PAK2: variants seen among roughly 807,000 people sequenced by gnomAD.
PAK2 encodes serine/threonine-protein kinase PAK 2.
Under a neutral mutation model 65.9 loss-of-function variants are expected in PAK2, and 21 were observed. The observed-to-expected ratio is 0.32, with a 90% CI of 0.23 to 0.46. The LOEUF is 0.46. PAK2 is among the 20% of genes least tolerant of loss of function. The pLI is 1.00. For synonymous variants in PAK2, 204 were observed against 219.7 expected, an observed-to-expected ratio of 0.93 and a Z score of 0.63; for missense variants, 324 against 642.6, an observed-to-expected ratio of 0.50 and a Z score of 5.36.
rs772673684 is a variant in PAK2, at chr3:196,814,505, A to G, written c.990A>G (p.Ser330=). The G allele has an allele frequency of 1.0e-4, 164 of 1,563,720 alleles. 1 individual carries two copies. The East Asian group carries it at 3.7e-3, about 35-fold the overall frequency. ...TCATGGAATACCTTGCTGGGGGGTC[A>G]CTCACTGATGTGGTAACAGAAACGT... ...FVVMEYLAGG[S]LTDVVTETCM... is the part of the protein sequence containing the mutation. The change falls in exon 11 of 15, where the codon TCA becomes TCG. Residue 330 remains serine, a synonymous_variant. Coordinates refer to ENST00000327134, the MANE Select transcript of PAK2 (RefSeq NM_002577.4).
chr3:196,794,475 C>T (rs137948564), intron 2 of PAK2, among the ~76,000 whole-genome samples: 347 of 152,334 alleles, frequency 2.3e-3, no homozygotes, highest in African/African-American at 7.7e-3. Flanking sequence ...TCCCCCTGTC[C>T]GCCTGGCGCC....
chr3:196,816,038 A>G (rs934440473), intron 11 of PAK2, among the ~76,000 whole-genome samples: 2 of 152,122 alleles, frequency 1.3e-5, no homozygotes, highest in Admixed American at 6.6e-5. Context: ...TTCCACCTAT[A>G]TCTGAGCTTT....
At chr3:196,818,845 A>G (rs1457898525) in intron 12 of PAK2, among the ~76,000 whole-genome samples, 1 of 152,172 alleles carries the variant, frequency 6.6e-6, no homozygotes, top group African/African-American at 2.4e-5. Context: ...TAAAATGGGA[A>G]TAATTGTAAT....
rs893895383 is a variant in PAK2, at chr3:196,791,250, A to C, written c.187+8417A>C. Among the ~76,000 whole-genome samples the C allele has an allele frequency of 6.6e-6, 1 of 152,150 alleles. No homozygotes were observed. Among genetic ancestry groups the C allele is most frequent in the Non-Finnish European group, 1.5e-5 (1 of 68,036 alleles). On this transcript the variant is annotated intron_variant, in intron 2 of 14. Transcript: ENST00000327134. This position sits in a 1 kb window ranked among gnomAD's most constrained non-coding sequence, Gnocchi z 4.0. ...CTTTTTGTTTTAGACACTGTTTCTA[A>C]TATCCTTTCCTTTTCCCATTGAGAC...
chr3:196,764,001 T>C (rs1225013262), intron 1 of PAK2, among the ~76,000 whole-genome samples: 1 of 147,344 alleles, frequency 6.8e-6, no homozygotes, highest in Admixed American at 6.8e-5. Flanking sequence ...AGAGATGGGG[T>C]TTCACCGTGT....
intron 2 of PAK2, among the ~76,000 whole-genome samples, chr3:196,799,901 A>G (rs779060912): frequency 3.9e-5 from 6 of 152,322 alleles, no homozygotes; most frequent in African/African-American, 1.2e-4. Flanking sequence ...GGCATGAGCT[A>G]CTGCTCGCAG....
At chr3:196,762,413 C>A (rs1412456107) in intron 1 of PAK2, among the ~76,000 whole-genome samples, 3 of 141,726 alleles carry the variant, frequency 2.1e-5, no homozygotes, top group Admixed American at 2.1e-4. Context: ...CACCATTGAG[C>A]ACTGAGTGAA....
intron 1 of PAK2, among the ~76,000 whole-genome samples, chr3:196,761,378 C>G (rs567371695): frequency 1.2e-5 from 1 of 80,494 alleles, no homozygotes; most frequent in Non-Finnish European, 2.4e-5. Context: ...ATGCTGCCTT[C>G]AAGCATCTGT....
chr3:196,766,162 T>G (rs1020838739), intron 1 of PAK2, among the ~76,000 whole-genome samples: 3 of 152,198 alleles, frequency 2.0e-5, no homozygotes, highest in African/African-American at 7.2e-5. Context: ...CCCAAAGTGC[T>G]GGGATTACAG....
intron 1 of PAK2, among the ~76,000 whole-genome samples, chr3:196,769,545 C>G (rs1448517585): frequency 1.3e-5 from 2 of 151,708 alleles, no homozygotes; most frequent in Non-Finnish European, 2.9e-5. Flanking sequence ...GGCGTGGTGG[C>G]TCACGCCTGT....
At chr3:196,761,907 GC>G (rs1269823015) in intron 1 of PAK2, among the ~76,000 whole-genome samples, 1 of 147,194 alleles carries the variant, frequency 6.8e-6, no homozygotes, top group East Asian at 2.0e-4. Context: ...AGATGGGGTG[GC>G]TGCCGGGCGG....
chr3:196,803,162 C>T lies in PAK2; in HGVS notation c.434C>T (p.Pro145Leu). ...CAGAAATATCTGAGCTTTACTCCTC[C>T]TGGTAAGAGAGTGGCATAAGGCTGG... is the stretch of plus-strand genomic sequence containing the variant. The part of the protein sequence containing the change: ...VKQKYLSFTP[P>L]EKDGFPSGTP... The change falls in exon 4 of 15, where the codon CCT becomes CTT. Residue 145 changes from proline to leucine, a missense_variant and splice_region_variant. Physicochemically the swap from Pro to Leu is moderately conservative, Grantham distance 98 (BLOSUM62 -3). This residue lies in a region of PAK2 where 183 missense variants were observed against 246.2 expected (regional missense o/e 0.74). Transcript: ENST00000327134. 1 of 1,602,868 alleles carries T rather than the reference C, an allele frequency of 6.2e-7. No individual in the cohort carries two copies. The highest frequency in any genetic ancestry group is 8.5e-7 in the Non-Finnish European group (1 of 1,175,834).
At chr3:196,781,346 C>G (rs1714708909) in intron 1 of PAK2, among the ~76,000 whole-genome samples, 1 of 152,168 alleles carries the variant, frequency 6.6e-6, no homozygotes, top group Admixed American at 6.5e-5. Flanking sequence ...GATCCTCTCC[C>G]TTTTACTGCT....
In PAK2 at chr3:196,818,042, T is replaced by G. The variant is rs748978796; in HGVS notation, c.1054-15T>G. On this transcript the variant is annotated splice_polypyrimidine_tract_variant and intron_variant, in intron 11 of 14. Transcript: ENST00000327134. ...CAGGGACTATTTCATTAATAGGTGT[T>G]TTTCTTCTGTTCAGTGTTTACAGGC... 5.4e-6 allele frequency: 6 copies of G among 1,110,908 alleles called. No homozygotes were observed. The highest frequency in any genetic ancestry group is 6.9e-6 in the Non-Finnish European group (5 of 726,526). 68.8% of individuals were successfully genotyped at this position (1,110,908 alleles called of 1,614,324 possible).
chr3:196,817,483 T>A (rs913866062), intron 11 of PAK2, among the ~76,000 whole-genome samples: 57 of 152,260 alleles, frequency 3.7e-4, no homozygotes, highest in African/African-American at 1.3e-3. Flanking sequence ...CCTGAGCAGC[T>A]GGGGTTACAG....
At chr3:196,818,006 CTG>C (rs1711527067) in intron 11 of PAK2, 49 bp from the exon 12 acceptor site, 3 of 779,978 alleles carry the variant, frequency 3.8e-6, no homozygotes, top group Non-Finnish European at 6.9e-6. Context: ...ATGTGCCTCC[CTG>C]TGTCTTTTCA....
intron 13 of PAK2, among the ~76,000 whole-genome samples, chr3:196,823,101 T>G (rs1407909618): frequency 6.6e-6 from 1 of 152,040 alleles, no homozygotes; most frequent in Non-Finnish European, 1.5e-5. Flanking sequence ...GCTGCGTTGT[T>G]GAGAGATCCC....
intron 11 of PAK2, among the ~76,000 whole-genome samples, chr3:196,815,012 T>C (rs541626795): frequency 6.6e-6 from 1 of 151,414 alleles, no homozygotes; most frequent in Non-Finnish European, 1.5e-5. Flanking sequence ...ACCCTGTCTC[T>C]ACTAAAAATA....
chr3:196,810,534 C>A, intron 7 of PAK2, 56 bp from the exon 8 acceptor site: 1 of 880,740 alleles, frequency 1.1e-6, no homozygotes, highest in Non-Finnish European at 1.9e-6. Context: ...AATAATATCA[C>A]AATCAATTTA....
Sources: allele counts gnomAD v4.1 joint callset (sites outside exome capture counted in the v4.1 genomes callset), GRCh38; gene constraint gnomAD v4.1.1; regional missense constraint gnomAD v4.1.1; non-coding constraint Gnocchi (gnomAD v3.1); transcripts MANE v1.5; gene names NCBI Gene and HGNC (gene_info 2026-07-23, HGNC 2026-07-21).